The following RGS6 variants were observed in gnomAD, a reference collection of about 807,000 sequenced individuals.
RGS6 encodes regulator of G-protein signaling 6.
Under a neutral mutation model 78.5 loss-of-function variants are expected in RGS6, and 30 were observed. The ratio of observed to expected loss-of-function variants is 0.38; its 90% CI spans 0.29 to 0.52. The LOEUF (loss-of-function observed/expected upper bound fraction) is 0.52. Ranked by LOEUF, RGS6 falls within the 20% of genes least tolerant of loss-of-function variation. The probability of loss-of-function intolerance (pLI) is 0.85; values close to 1 mark genes in which losing one functional copy is unlikely to be tolerated. For synonymous variants in RGS6, 206 were observed against 206.0 expected, an observed-to-expected ratio of 1.00 and a Z score of 0.00; for missense variants, 495 against 609.7, an observed-to-expected ratio of 0.81 and a Z score of 1.98.
the RGS6 span, among the ~76,000 whole-genome samples, chr14:71,877,318 G>A: frequency 6.6e-6 from 1 of 152,222 alleles, no homozygotes; most frequent in African/African-American, 2.4e-5. Context: ...ACACCAATCA[G>A]ACGAAGATTT....
At chr14:72,303,622 A>C (rs923372064) in intron 2 of RGS6, among the ~76,000 whole-genome samples, 10 of 152,228 alleles carry the variant, frequency 6.6e-5, no homozygotes, top group Non-Finnish European at 1.5e-5. Flanking sequence ...ATATTTATTC[A>C]TGGTTATATG....
At chr14:72,624,793 G>A in the RGS6 span, among the ~76,000 whole-genome samples, 3 of 152,196 alleles carry the variant, frequency 2.0e-5, no homozygotes, top group Admixed American at 1.3e-4. Context: ...CAGTGATTTT[G>A]TAAATGTCAC....
At position 72,490,722 on chromosome 14, in the gene RGS6, T is replaced by C. The variant is rs551716246; in HGVS notation, c.855-4430T>C. ...ACTGCTGCTTCTACCCCAGGGGTCA[T>C]GATAAACACCTGGGACAGCGAGGAG... On this transcript the variant is annotated intron_variant, in intron 12 of 17. Coordinates refer to ENST00000553525, the MANE Select transcript of RGS6 (RefSeq NM_001204424.2). Among the ~76,000 whole-genome samples the C allele has an allele frequency of 2.0e-5, 3 of 152,198 alleles. No homozygotes were observed. In the South Asian group the frequency reaches 6.2e-4, roughly 31 times the overall value.
At chr14:71,992,683 G>T (rs1256216629) in intron 2 of RGS6, among the ~76,000 whole-genome samples, 1 of 152,118 alleles carries the variant, frequency 6.6e-6, no homozygotes, top group Admixed American at 6.5e-5. Context: ...TATTTGCTTG[G>T]ATAAATTCCT....
chr14:72,013,235 C>T lies in RGS6; in HGVS notation c.84+48360C>T, dbSNP rs539230714. The stretch of plus-strand genomic sequence containing the variant: ...GCAGTGAGCCAAGATCACGCCACTG[C>T]ACTCCAGCCTAGGTGACAGAACAAG... On this transcript the variant is annotated intron_variant, in intron 2 of 17. Transcript: ENST00000553525. 7.9e-4 allele frequency among the ~76,000 whole-genome samples: 105 copies of T among 133,242 alleles called. 1 individual carries two copies. The South Asian group carries it at 8.8e-3, about 11-fold the overall frequency. The allele number at this position is 133,242 out of a possible 152,430, so 87.4% of individuals were successfully genotyped here.
chr14:72,537,436 T>C (rs2097265224), intron 16 of RGS6: 1 of 701,918 alleles, frequency 1.4e-6, no homozygotes, highest in Admixed American at 2.0e-5. Context: ...AAAGAGGCCA[T>C]GGAGTCTGAG....
chr14:72,597,799 A>G, the RGS6 span, among the ~76,000 whole-genome samples: 1 of 152,028 alleles, frequency 6.6e-6, no homozygotes, highest in African/African-American at 2.4e-5. Context: ...TTCATTTTTC[A>G]CTATGTGCAC....
chr14:72,161,210 G>A (rs1006606131), intron 2 of RGS6, among the ~76,000 whole-genome samples: 6 of 152,092 alleles, frequency 3.9e-5, no homozygotes, highest in Non-Finnish European at 8.8e-5. Context: ...ACAAGGAGGG[G>A]AACATCACAT....
chr14:72,487,052 G>GAGGC (rs2096500043), intron 12 of RGS6, among the ~76,000 whole-genome samples: 1 of 152,114 alleles, frequency 6.6e-6, no homozygotes, highest in African/African-American at 2.4e-5. Context: ...GAGAGCAGTT[G>GAGGC]AGGCAGCAGA....
the RGS6 span, among the ~76,000 whole-genome samples, chr14:72,614,601 C>T: frequency 6.6e-6 from 1 of 152,192 alleles, no homozygotes; most frequent in African/African-American, 2.4e-5. Context: ...ACTGCCTTCT[C>T]TCCCCAGCTG....
At chr14:71,955,097 G>A (rs921320117) in intron 1 of RGS6, among the ~76,000 whole-genome samples, 3 of 152,146 alleles carry the variant, frequency 2.0e-5, no homozygotes, top group African/African-American at 7.2e-5. Flanking sequence ...TTGCTGAGCT[G>A]TAGGTGCTAG....
chr14:72,231,171 G>T (rs187274254), intron 2 of RGS6, among the ~76,000 whole-genome samples: 1 of 152,276 alleles, frequency 6.6e-6, no homozygotes, highest in Non-Finnish European at 1.5e-5. Flanking sequence ...GGACTGAGAA[G>T]TTAGTTCCCC....
intron 17 of RGS6, among the ~76,000 whole-genome samples, chr14:72,561,960 C>G (rs1180626347): frequency 6.6e-6 from 1 of 152,212 alleles, no homozygotes; most frequent in East Asian, 1.9e-4. Flanking sequence ...CTAGTTCATT[C>G]ATTAGCTTCT....
intron 2 of RGS6, among the ~76,000 whole-genome samples, chr14:72,168,350 G>T (rs1370244641): frequency 6.6e-6 from 1 of 152,066 alleles, no homozygotes; most frequent in Non-Finnish European, 1.5e-5. Context: ...GGCTCCTTCA[G>T]GCCCTGAGAG....
At chr14:72,188,526 A>G (rs1399626133) in intron 2 of RGS6, among the ~76,000 whole-genome samples, 4 of 146,086 alleles carry the variant, frequency 2.7e-5, no homozygotes, top group Non-Finnish European at 4.4e-5. Context: ...ACGGGAGAAG[A>G]AAAAATTACC....
At chr14:71,925,712 C>CATATT in the RGS6 span, among the ~76,000 whole-genome samples, 9,152 of 96,248 alleles carry the variant, frequency 0.095, 377 homozygotes, top group Non-Finnish European at 0.12. Flanking sequence ...TAGATGACTT[C>CATATT]ATATTATATT....
the RGS6 span, among the ~76,000 whole-genome samples, chr14:72,584,259 T>C: frequency 6.6e-6 from 1 of 152,196 alleles, no homozygotes; most frequent in East Asian, 1.9e-4. Flanking sequence ...TGAACACCCA[T>C]GTGCCAGGCA....
chr14:72,335,403 C>A (rs746370050), intron 2 of RGS6, among the ~76,000 whole-genome samples: 1 of 152,116 alleles, frequency 6.6e-6, no homozygotes, highest in African/African-American at 2.4e-5. Flanking sequence ...GGGACTAATT[C>A]GTCCTAGGGA....
chr14:72,000,337 GATGAA>G (rs1429179575), intron 2 of RGS6, among the ~76,000 whole-genome samples: 2 of 152,196 alleles, frequency 1.3e-5, no homozygotes, highest in Non-Finnish European at 2.9e-5. Context: ...GATGGGAAGA[GATGAA>G]ATGAATAACA....
Sources: allele counts gnomAD v4.1 joint callset (sites outside exome capture counted in the v4.1 genomes callset), GRCh38; gene constraint gnomAD v4.1.1; transcripts MANE v1.5; gene names NCBI Gene and HGNC (gene_info 2026-07-23, HGNC 2026-07-21).